KMT2E: variants seen among roughly 807,000 people sequenced by gnomAD.
KMT2E encodes histone reader KMT2E.
In KMT2E, 30 loss-of-function variants were observed where a neutral mutation model predicts 184.6. The observed-to-expected ratio is 0.16, with a 90% CI of 0.12 to 0.22. The LOEUF is 0.22. Ranked by LOEUF, KMT2E falls within the 10% of genes least tolerant of loss-of-function variation. KMT2E has a pLI of 1.00. For missense variants in KMT2E, 2,023 were observed against 2,237.4 expected (o/e 0.90, Z 1.93); for synonymous variants, 815 against 776.5 (o/e 1.05, Z -0.82).
At chr7:105,081,081 G>GA (rs34320862) in intron 12 of KMT2E, among the ~76,000 whole-genome samples, 44 of 150,990 alleles carry the variant, frequency 2.9e-4, no homozygotes, top group African/African-American at 9.7e-4. Context: ...GCTAAAAGGT[G>GA]AAAAAAAAGA....
In KMT2E at chr7:105,107,135, T is replaced by G. The variant is rs1798936654; in HGVS notation, c.2848-31T>G. The G allele has an allele frequency of 2.5e-6, 3 of 1,211,080 alleles. No homozygotes were observed. In the East Asian group the frequency reaches 7.2e-5, roughly 29 times the overall value. 75.0% of individuals were successfully genotyped at this position (1,211,080 alleles called of 1,614,324 possible). On this transcript the variant is annotated intron_variant, in intron 20 of 26. Transcript: ENST00000311117. Reference sequence around the variant, plus strand: ...ATGGATATACTTACGTATTTTTAAATTTTCAATTCTAATTCTTTCTTTATA... The same window carrying G: ...ATGGATATACTTACGTATTTTTAAAGTTTCAATTCTAATTCTTTCTTTATA...
intron 1 of KMT2E, among the ~76,000 whole-genome samples, chr7:105,023,563 G>C (rs936671912): frequency 6.6e-6 from 1 of 150,844 alleles, no homozygotes; most frequent in Non-Finnish European, 1.5e-5. Context: ...TCCTGCCTCA[G>C]CCTCCCTAGT....
chr7:105,107,141 A>C (rs1798937128), intron 20 of KMT2E, 25 bp from the exon 21 acceptor site: 1 of 1,265,346 alleles, frequency 7.9e-7, no homozygotes, highest in African/African-American at 1.5e-5. Flanking sequence ...TAAATTTTCA[A>C]TTCTAATTCT....
At chr7:105,078,543 A>G (rs929384449) in intron 11 of KMT2E, among the ~76,000 whole-genome samples, 2 of 150,072 alleles carry the variant, frequency 1.3e-5, no homozygotes, top group Admixed American at 6.6e-5. Context: ...GTCTCGCTCT[A>G]TCAGTGAGGC....
intron 1 of KMT2E, among the ~76,000 whole-genome samples, chr7:105,023,835 A>AG (rs1795061820): frequency 6.6e-6 from 1 of 152,228 alleles, no homozygotes; most frequent in Admixed American, 6.5e-5. Flanking sequence ...GCTTTTTAAA[A>AG]GGGGGTTGGT....
intron 6 of KMT2E, among the ~76,000 whole-genome samples, chr7:105,071,222 G>A (rs1797272498): frequency 6.6e-6 from 1 of 152,042 alleles, no homozygotes; most frequent in African/African-American, 2.4e-5. Context: ...AGTTGCCTTT[G>A]TATGGACACT....
At chr7:105,039,717 A>T (rs1363204411) in intron 2 of KMT2E, among the ~76,000 whole-genome samples, 2 of 152,176 alleles carry the variant, frequency 1.3e-5, no homozygotes, top group African/African-American at 4.8e-5. Flanking sequence ...CCAGATTACT[A>T]ATTATTATAA....
At chr7:105,096,034 C>G (rs1798396031) in intron 15 of KMT2E, among the ~76,000 whole-genome samples, 1 of 152,088 alleles carries the variant, frequency 6.6e-6, no homozygotes, top group South Asian at 2.1e-4. Flanking sequence ...GTGGGTGGAT[C>G]ACTTGAGTCC....
At chr7:105,101,382 A>G (rs1584796545) in intron 15 of KMT2E, 43 bp from the exon 16 acceptor site, 2 of 1,336,516 alleles carry the variant, frequency 1.5e-6, no homozygotes, top group Non-Finnish European at 1.0e-6. Flanking sequence ...TTTACTTTTG[A>G]GCATTGATAT....
At position 105,098,050 on chromosome 7, in the gene KMT2E, G is replaced by A. The variant is rs968403026; in HGVS notation, c.1723-3375G>A. Among the ~76,000 whole-genome samples the A allele has an allele frequency of 3.9e-5, 6 of 152,218 alleles. 1 individual carries two copies. The highest frequency in any genetic ancestry group is 1.4e-4 in the African/African-American group (6 of 41,552). Reference sequence around the variant, plus strand: ...TGGAGACACCACACAAGCCATACGTGTTATTTTGGAATGATTTTTATTAGT... The same window carrying A: ...TGGAGACACCACACAAGCCATACGTATTATTTTGGAATGATTTTTATTAGT... On this transcript the variant is annotated intron_variant, in intron 15 of 26. Transcript: ENST00000311117.
chr7:105,106,389 C>A (rs1048177155), intron 19 of KMT2E, 133 bp from the exon 20 acceptor site: 2 of 837,792 alleles, frequency 2.4e-6, no homozygotes, highest in Non-Finnish European at 3.7e-6. Context: ...TTTTTTAAAA[C>A]CGTGAAATTC....
At chr7:105,110,726 T>C in intron 25 of KMT2E, 45 bp from the exon 26 acceptor site, 1 of 1,588,476 alleles carries the variant, frequency 6.3e-7, no homozygotes, top group South Asian at 1.1e-5. Context: ...AAACAGTGTT[T>C]ATTGTGTAAT....
Position 105,105,583 on chromosome 7 carries a change from C to A in KMT2E, c.2341C>A (p.Pro781Thr), listed in dbSNP as rs777167757. 2 of 1,613,774 alleles carry A rather than the reference C, an allele frequency of 1.2e-6. No homozygotes were observed. Among genetic ancestry groups the A allele is most frequent in the South Asian group, 1.1e-5 (1 of 91,076 alleles). ...LNSLPGLTYS[P>T]HVYSTPKHYI... ...TTCTTTACCAGGTCTCACTTACAGC[C>A]CCCATGTATACTCCACTCCTAAGCA... The change falls in exon 18 of 27, where the codon CCC (proline) becomes ACC (threonine). Residue 781 changes from proline to threonine, a missense_variant. This residue lies in a region of KMT2E where 514 missense variants were observed against 621.8 expected (regional missense o/e 0.83). Transcript: ENST00000311117.
chr7:105,025,069 G>C (rs1795117744), intron 1 of KMT2E, among the ~76,000 whole-genome samples: 1 of 152,098 alleles, frequency 6.6e-6, no homozygotes, highest in Admixed American at 6.5e-5. Flanking sequence ...ACTGGAGAAT[G>C]ACATGTGGAA....
In KMT2E at chr7:105,114,567, C is replaced by T. The variant is rs116085544; in HGVS notation, c.*1234C>T. Among the ~76,000 whole-genome samples, 498 of 152,252 alleles carry T rather than the reference C, an allele frequency of 3.3e-3. 3 individuals carry two copies. Among genetic ancestry groups the T allele is most frequent in the African/African-American group, 0.012 (480 of 41,566 alleles). On this transcript the variant is annotated 3_prime_UTR_variant, in exon 27 of 27. Coordinates refer to ENST00000311117, the MANE Select transcript of KMT2E (RefSeq NM_182931.3). The stretch of plus-strand genomic sequence containing the variant: ...CTTCAAAAAATTAAAAATTTCCCAG[C>T]CTTTGTCTTCTACCTCTGAGGATTC...
chr7:105,099,846 G>A (rs1484434846), intron 15 of KMT2E, among the ~76,000 whole-genome samples: 2 of 152,132 alleles, frequency 1.3e-5, no homozygotes, highest in African/African-American at 4.8e-5. Context: ...CAGGTAAAGC[G>A]CAGTTTGGGA....
At chr7:105,098,912 G>T (rs1798536104) in intron 15 of KMT2E, among the ~76,000 whole-genome samples, 1 of 152,026 alleles carries the variant, frequency 6.6e-6, no homozygotes, top group Non-Finnish European at 1.5e-5. Flanking sequence ...AGTCTGCAGG[G>T]GTTAATTAGG....
intron 1 of KMT2E, among the ~76,000 whole-genome samples, chr7:105,017,158 TTCAATATACAAAA>T (rs1397804913): frequency 6.6e-6 from 1 of 152,160 alleles, no homozygotes; most frequent in Non-Finnish European, 1.5e-5. Flanking sequence ...AAACTTACTA[TTCAATATACAAAA>T]TCAGTGTATT....
chr7:105,067,406 CTTTTT>C (rs1363963665), intron 6 of KMT2E, among the ~76,000 whole-genome samples: 1 of 151,614 alleles, frequency 6.6e-6, no homozygotes, highest in Non-Finnish European at 1.5e-5. Flanking sequence ...TTCCACATTT[CTTTTT>C]TGTTTTTTAA....
Sources: gnomAD v4.1 joint callset for allele counts (sites outside exome capture counted in the v4.1 genomes callset) on GRCh38, gnomAD v4.1.1 for gene constraint, gnomAD v4.1.1 regional missense constraint, MANE v1.5 for transcripts, NCBI Gene and HGNC (gene_info 2026-07-23, HGNC 2026-07-21) for gene names.